EPHA2: variants seen among roughly 807,000 people sequenced by gnomAD.
The protein encoded by EPHA2 is ephrin type-A receptor 2.
Under a neutral mutation model 104.9 loss-of-function variants are expected in EPHA2, and 54 were observed. The ratio of observed to expected loss-of-function variants is 0.51; its 90% CI spans 0.41 to 0.65. The LOEUF (loss-of-function observed/expected upper bound fraction) is 0.65, where lower values mean the gene tolerates loss of function less well. Among genes scored for constraint, EPHA2 ranks in the 30% least tolerant of loss-of-function variants. The probability of loss-of-function intolerance (pLI) is 0.00; values close to 1 mark genes in which losing one functional copy is unlikely to be tolerated. For missense variants in EPHA2, 1,117 were observed against 1,369.5 expected (o/e 0.82, Z 2.91); for synonymous variants, 560 against 559.1 (o/e 1.00, Z -0.02).
In EPHA2 at chr1:16,138,275, G is replaced by A. The variant is rs780551831; in HGVS notation, c.979C>T (p.Arg327Ter). 2.0e-5 allele frequency: 32 copies of A among 1,613,282 alleles called. No homozygotes were observed. Among genetic ancestry groups the A allele is most frequent in the East Asian group, 8.9e-5 (4 of 44,874 alleles). The part of the protein sequence containing the change: ...PQDPASMPCT[R>*]PPSAPHYLTA... ...CACCCTGACCCACTGCAAGACTCAC[G>A]TGTGCAAGGCATCGACGCTGGGTCC... Residue 327 changes from arginine (R) to a stop codon, truncating the protein, a stop_gained and splice_region_variant, in exon 4 of 17, where the codon CGA becomes TGA. Transcript: ENST00000358432. LOFTEE classifies it high-confidence loss of function.
Position 16,134,629 on chromosome 1 carries a change from C to T in EPHA2, c.1583-62G>A. 1 of 1,552,142 alleles carries T rather than the reference C, an allele frequency of 6.4e-7. No individual in the cohort carries two copies. The highest frequency in any genetic ancestry group is 8.8e-7 in the Non-Finnish European group (1 of 1,135,322). On this transcript the variant is annotated intron_variant, in intron 7 of 16. Coordinates refer to ENST00000358432, the MANE Select transcript of EPHA2 (RefSeq NM_004431.5). The surrounding 1 kb of genome is among the most constrained non-coding windows in gnomAD (Gnocchi z 4.5). ...CCCACAAATTACAGCAACACCCGCG[C>T]TGCACCCAAGACACCTGGGCCCCTA...
intron 3 of EPHA2, among the ~76,000 whole-genome samples, chr1:16,145,087 C>A (rs2024903085): frequency 6.6e-6 from 1 of 152,240 alleles, no homozygotes; most frequent in Admixed American, 6.5e-5. Flanking sequence ...GGCCTCCCAG[C>A]TGTTCAGCTG....
At position 16,132,399 on chromosome 1, in the gene EPHA2, C is replaced by A; in HGVS notation, c.2094G>T (p.Gly698=). 1 of 1,614,128 alleles carries A rather than the reference C, an allele frequency of 6.2e-7. No individual in the cohort carries two copies. Among genetic ancestry groups the A allele is most frequent in the Non-Finnish European group, 8.5e-7 (1 of 1,180,032 alleles). The change falls in exon 12 of 17, where the codon GGG becomes GGT. Residue 698 remains glycine, a synonymous_variant. Coordinates refer to ENST00000358432, the MANE Select transcript of EPHA2 (RefSeq NM_004431.5). The part of the protein sequence containing the change: ...MMIITEYMEN[G]ALDKFLREKD... ...TTACCCGAAGGAACTTGTCCAGGGC[C>A]CCATTCTCCATGTACTCAGTGATGA...
Position 16,135,873 on chromosome 1 carries a change from A to G in EPHA2, c.1313-103T>C, listed in dbSNP as rs1188815404. On this transcript the variant is annotated intron_variant, in intron 5 of 16. Coordinates refer to ENST00000358432, the MANE Select transcript of EPHA2 (RefSeq NM_004431.5). The surrounding 1 kb of genome is among the most constrained non-coding windows in gnomAD (Gnocchi z 4.3). ...TGGAGCCACATCCTCCACAGCCCAG[A>G]TTCTTTCATTTTTTTGAGACAGGAT... The G allele has an allele frequency of 1.5e-6, 1 of 661,610 alleles. No homozygotes were observed. Among genetic ancestry groups the G allele is most frequent in the African/African-American group, 1.8e-5 (1 of 55,942 alleles). 41.0% of individuals were successfully genotyped at this position (661,610 alleles called of 1,614,324 possible).
rs1185790714 is a variant in EPHA2, at chr1:16,138,564, CA to C, written c.824-135del. On this transcript the variant is annotated intron_variant, in intron 3 of 16. Coordinates refer to ENST00000358432, the MANE Select transcript of EPHA2 (RefSeq NM_004431.5). ...GTAAATCTCTATGGACCTGTTTTCT[CA>C]TCGGCAAAATGTCTTGTGATGGAAA... 2.2e-6 allele frequency: 3 copies of C among 1,333,438 alleles called. No homozygotes were observed. The Admixed American group carries it at 5.6e-5, about 25-fold the overall frequency. 82.6% of individuals were successfully genotyped at this position (1,333,438 alleles called of 1,614,324 possible). A position where few individuals can be genotyped will look rare whatever the true frequency, so the allele number is the denominator to read the frequency against.
chr1:16,145,391 C>T (rs1397201693), intron 3 of EPHA2, among the ~76,000 whole-genome samples: 2 of 152,226 alleles, frequency 1.3e-5, no homozygotes, highest in East Asian at 1.9e-4. Context: ...TGCCTCCCTT[C>T]CTCTGCCCAC....
intron 3 of EPHA2, among the ~76,000 whole-genome samples, chr1:16,140,964 C>A (rs1361346405): frequency 6.6e-6 from 1 of 152,152 alleles, no homozygotes; most frequent in African/African-American, 2.4e-5. Context: ...ACCTCCTGGC[C>A]TCAAGTGATC....
chr1:16,127,686 G>T (rs569447888), intron 16 of EPHA2, among the ~76,000 whole-genome samples: 52 of 152,352 alleles, frequency 3.4e-4, no homozygotes, highest in African/African-American at 1.1e-3. Context: ...AAGAGGCAGA[G>T]GGGAAGGAGG....
intron 1 of EPHA2, 49 bp from the exon 2 acceptor site, chr1:16,151,012 T>C: frequency 1.3e-6 from 2 of 1,590,960 alleles, no homozygotes; most frequent in Non-Finnish European, 1.7e-6. Context: ...TCTTCAGGAG[T>C]CAGACCATGG....
chr1:16,133,722 A>G, intron 9 of EPHA2, 116 bp from the exon 10 acceptor site: 1 of 1,525,626 alleles, frequency 6.6e-7, no homozygotes, highest in Non-Finnish European at 8.9e-7. Flanking sequence ...GCTGTGGGGG[A>G]CGGACCCCTC....
chr1:16,137,783 A>C (rs996862861), intron 5 of EPHA2, 70 bp downstream of exon 5: 294 of 1,584,858 alleles, frequency 1.9e-4, no homozygotes, highest in Non-Finnish European at 2.4e-4. Flanking sequence ...CCCGAGCCCC[A>C]GATGGCCGTC....
chr1:16,152,535 G>C (rs1468206283), intron 1 of EPHA2, among the ~76,000 whole-genome samples: 1 of 152,126 alleles, frequency 6.6e-6, no homozygotes, highest in Non-Finnish European at 1.5e-5. Flanking sequence ...GCAGGGATTT[G>C]TTCAGACATG....
chr1:16,151,883 G>A (rs1425513088), intron 1 of EPHA2, among the ~76,000 whole-genome samples: 1 of 152,116 alleles, frequency 6.6e-6, no homozygotes, highest in Non-Finnish European at 1.5e-5. Context: ...ATACACTCCC[G>A]GGGTCTTCCC....
chr1:16,126,042 C>T (rs1421304119), intron 16 of EPHA2, among the ~76,000 whole-genome samples: 1 of 152,140 alleles, frequency 6.6e-6, no homozygotes, highest in African/African-American at 2.4e-5. Flanking sequence ...ACCTCAGTTT[C>T]CTCCCGTGTA....
At chr1:16,145,970 T>A (rs1050020110) in intron 3 of EPHA2, among the ~76,000 whole-genome samples, 6 of 152,236 alleles carry the variant, frequency 3.9e-5, no homozygotes, top group African/African-American at 1.4e-4. Flanking sequence ...TCCGCTCGCA[T>A]GTCTGATAAA....
At position 16,135,018 on chromosome 1, in the gene EPHA2, C is replaced by A; in HGVS notation, c.1582+18G>T. 6.2e-7 allele frequency: 1 copy of A among 1,610,718 alleles called. No homozygotes were observed. The highest frequency in any genetic ancestry group is 8.5e-7 in the Non-Finnish European group (1 of 1,179,994). On this transcript the variant is annotated intron_variant, in intron 7 of 16. Transcript: ENST00000358432. This position sits in a 1 kb window ranked among gnomAD's most constrained non-coding sequence, Gnocchi z 4.3. ...TCTGGGCCCTGGCCTGGTCCATGCC[C>A]AGGGTCCCCCAACTCACACAGCGTC...
intron 3 of EPHA2, among the ~76,000 whole-genome samples, chr1:16,138,853 G>C (rs987362592): frequency 4.6e-5 from 7 of 152,174 alleles, no homozygotes; most frequent in Admixed American, 1.3e-4. Flanking sequence ...GGGTAGCTGA[G>C]AGCTGCCCAG....
intron 16 of EPHA2, 30 bp downstream of exon 16, chr1:16,129,404 C>G (rs1334450557): frequency 1.5e-5 from 24 of 1,595,938 alleles, no homozygotes; most frequent in East Asian, 2.2e-5. Context: ...AGGCGGGAGG[C>G]GAGGGGGGAC....
Position 16,131,929 on chromosome 1 carries a change from C to T in EPHA2, c.2326-59G>A. Reference sequence around the variant, plus strand: ...CCTCTGGCTGGCCCCAGGACCATTGCAGCCAAGCCCCACGACCCCTCCCTG... The same window carrying T: ...CCTCTGGCTGGCCCCAGGACCATTGTAGCCAAGCCCCACGACCCCTCCCTG... On this transcript the variant is annotated intron_variant, in intron 13 of 16. Coordinates refer to ENST00000358432, the MANE Select transcript of EPHA2 (RefSeq NM_004431.5). This position sits in a 1 kb window ranked among gnomAD's most constrained non-coding sequence, Gnocchi z 5.2. The T allele has an allele frequency of 4.4e-6, 7 of 1,601,836 alleles. No homozygotes were observed. Among genetic ancestry groups the T allele is most frequent in the Non-Finnish European group, 6.0e-6 (7 of 1,173,534 alleles).
Sources: gnomAD v4.1 joint callset for allele counts (sites outside exome capture counted in the v4.1 genomes callset) on GRCh38, gnomAD v4.1.1 for gene constraint, Gnocchi (gnomAD v3.1) non-coding constraint, MANE v1.5 for transcripts, NCBI Gene and HGNC (gene_info 2026-07-23, HGNC 2026-07-21) for gene names.